RFC3: variants seen among roughly 807,000 people sequenced by gnomAD.
RFC3 encodes the protein replication factor C subunit 3.
Under a neutral mutation model 45.1 loss-of-function variants are expected in RFC3, and 41 were observed. That is an observed-to-expected ratio of 0.91 (90% CI 0.71 to 1.18). The LOEUF (loss-of-function observed/expected upper bound fraction) is 1.18, where lower values mean the gene tolerates loss of function less well. RFC3 is among the 50% of genes most tolerant of loss of function. The pLI, the probability that RFC3 is intolerant of heterozygous loss-of-function variation, is 0.00. For synonymous variants in RFC3, 149 were observed against 144.0 expected (o/e 1.03, Z -0.25); for missense variants, 423 against 428.1 (o/e 0.99, Z 0.10).
chr13:33,834,329 T>TATATATATATACACATAC lies in RFC3; in HGVS notation c.810-817_810-816insATATATATACACATACAT, dbSNP rs1300798923. On this transcript the variant is annotated intron_variant, in intron 7 of 8. Coordinates refer to ENST00000380071, the MANE Select transcript of RFC3 (RefSeq NM_002915.4). ...ATATATATATATATATATATATATA[T>TATATATATATACACATAC]ATCTGTACTGTAAAAATTCAGAAGT... Among the ~76,000 whole-genome samples the TATATATATATACACATAC allele has an allele frequency of 1.2e-3, 147 of 125,038 alleles. 3 individuals carry two copies. Among genetic ancestry groups the TATATATATATACACATAC allele is most frequent in the East Asian group, 4.7e-3 (20 of 4,214 alleles). 82.0% of individuals were successfully genotyped at this position (125,038 alleles called of 152,430 possible). A position where few individuals can be genotyped will look rare whatever the true frequency, so the allele number is the denominator to read the frequency against.
At chr13:33,868,879 A>C (rs563467298) in intron 8 of RFC3, among the ~76,000 whole-genome samples, 39 of 152,224 alleles carry the variant, frequency 2.6e-4, no homozygotes, top group African/African-American at 9.1e-4. Flanking sequence ...AAGGCCAGAC[A>C]CTCCTTTCCC....
chr13:33,820,723 T>A (rs2081994155), intron 1 of RFC3, among the ~76,000 whole-genome samples: 1 of 152,154 alleles, frequency 6.6e-6, no homozygotes, highest in South Asian at 2.1e-4. Flanking sequence ...AGAATCCTAA[T>A]CTCATGGATG....
At chr13:33,900,578 T>C (rs2082634115) in intron 8 of RFC3, among the ~76,000 whole-genome samples, 1 of 151,772 alleles carries the variant, frequency 6.6e-6, no homozygotes, top group East Asian at 1.9e-4. Context: ...ATTATGAAAT[T>C]AGTAGAAGAA....
chr13:33,901,139 G>A (rs750872191), intron 8 of RFC3, among the ~76,000 whole-genome samples: 11 of 151,922 alleles, frequency 7.2e-5, no homozygotes, highest in South Asian at 2.1e-4. Context: ...ATGGAAATTC[G>A]TCACAAAAAT....
chr13:33,820,370 C>A (rs536650690), intron 1 of RFC3, among the ~76,000 whole-genome samples: 1 of 152,250 alleles, frequency 6.6e-6, no homozygotes, highest in East Asian at 1.9e-4. Flanking sequence ...AATGCTCTTT[C>A]TTTTCCCCCA....
At chr13:33,863,175 A>G (rs2082352205) in intron 8 of RFC3, among the ~76,000 whole-genome samples, 1 of 152,224 alleles carries the variant, frequency 6.6e-6, no homozygotes, top group Admixed American at 6.5e-5. Context: ...TTTTCATCAC[A>G]ATAGTTATAA....
chr13:33,939,409 G>A lies in RFC3; in HGVS notation c.880-26678G>A, dbSNP rs114613957. On this transcript the variant is annotated intron_variant, in intron 8 of 8. Transcript: ENST00000434425. ...GACAGTGAGGCTCAGAGAGCTTCCA[G>A]GTGGGTGAACACACCAAGGTGCTCG... Among the ~76,000 whole-genome samples, 664 of 152,236 alleles carry A rather than the reference G, an allele frequency of 4.4e-3. 8 individuals carry two copies. Among genetic ancestry groups the A allele is most frequent in the African/African-American group, 0.015 (630 of 41,544 alleles).
downstream of RFC3, among the ~76,000 whole-genome samples, chr13:33,969,022 T>G (rs373535823): frequency 6.6e-6 from 1 of 152,330 alleles, no homozygotes; most frequent in African/African-American, 2.4e-5. Context: ...ATTACTGCCA[T>G]GTCCTCACAT....
At chr13:33,892,242 A>C (rs1021644975) in intron 8 of RFC3, among the ~76,000 whole-genome samples, 1 of 152,296 alleles carries the variant, frequency 6.6e-6, no homozygotes, top group South Asian at 2.1e-4. Context: ...AAGCTTAACT[A>C]AGACAAAAAT....
At position 33,897,896 on chromosome 13, in the gene RFC3, C is replaced by T. The variant is rs148909475; in HGVS notation, c.879+62679C>T. Among the ~76,000 whole-genome samples, 880 of 151,878 alleles carry T rather than the reference C, an allele frequency of 5.8e-3. 6 individuals carry two copies. Among genetic ancestry groups the T allele is most frequent in the Middle Eastern group, 0.014 (4 of 294 alleles). On this transcript the variant is annotated intron_variant, in intron 8 of 8. Transcript: ENST00000434425. Reference sequence around the variant, plus strand: ...TTATAAATATCTATGTACCCATCACCAGAGCTCCCAAGTATATATAAAAAC... The same window carrying T: ...TTATAAATATCTATGTACCCATCACTAGAGCTCCCAAGTATATATAAAAAC...
chr13:33,868,407 C>A (rs1372689367), intron 8 of RFC3, among the ~76,000 whole-genome samples: 3 of 139,890 alleles, frequency 2.1e-5, no homozygotes, highest in Non-Finnish European at 4.8e-5. Context: ...TTCTCCACAC[C>A]CAACTTACAA....
At chr13:33,888,110 A>G (rs1566017211) in intron 8 of RFC3, among the ~76,000 whole-genome samples, 1 of 152,136 alleles carries the variant, frequency 6.6e-6, no homozygotes, top group Non-Finnish European at 1.5e-5. Flanking sequence ...TTGGTGATGC[A>G]GGCTCTTTTT....
At chr13:33,871,480 C>T (rs2082409247) in intron 8 of RFC3, among the ~76,000 whole-genome samples, 1 of 152,206 alleles carries the variant, frequency 6.6e-6, no homozygotes, top group Non-Finnish European at 1.5e-5. Context: ...CTCCTGCTGC[C>T]CTCTTCCAAC....
intron 8 of RFC3, among the ~76,000 whole-genome samples, chr13:33,916,766 A>G (rs2082736213): frequency 6.7e-6 from 1 of 148,618 alleles, no homozygotes; most frequent in African/African-American, 2.6e-5. Flanking sequence ...ATGAGTGTGC[A>G]TGTACATACA....
At chr13:33,849,135 G>C (rs1202411066) in intron 8 of RFC3, 1 of 152,370 alleles carries the variant, frequency 6.6e-6, no homozygotes, top group Non-Finnish European at 1.5e-5. Flanking sequence ...TGTGGAGGTG[G>C]AGAATTTTGG....
intron 8 of RFC3, chr13:33,847,894 T>C (rs1329439774): frequency 2.0e-5 from 3 of 152,212 alleles, no homozygotes; most frequent in Non-Finnish European, 4.4e-5. Context: ...AATATTCTCT[T>C]GTATTTTTTC....
intron 8 of RFC3, among the ~76,000 whole-genome samples, chr13:33,864,525 G>T (rs1403566156): frequency 6.6e-6 from 1 of 152,144 alleles, no homozygotes; most frequent in Non-Finnish European, 1.5e-5. Context: ...TGATGCTGAA[G>T]TGAGCTCATG....
At chr13:33,835,280 C>T in intron 8 of RFC3, 63 bp downstream of exon 8, 1 of 998,534 alleles carries the variant, frequency 1.0e-6, no homozygotes, top group Non-Finnish European at 1.6e-6. Flanking sequence ...GGTGTGTGAT[C>T]ATAGGGCTTT....
At chr13:33,831,923 T>TA (rs1236217044) in intron 7 of RFC3, among the ~76,000 whole-genome samples, 3 of 152,204 alleles carry the variant, frequency 2.0e-5, no homozygotes, top group African/African-American at 4.8e-5. Context: ...GTTTGAAAAC[T>TA]AAAAAACCCT....
Sources: allele counts gnomAD v4.1 joint callset (sites outside exome capture counted in the v4.1 genomes callset), GRCh38; gene constraint gnomAD v4.1.1; transcripts MANE v1.5; gene names NCBI Gene and HGNC (gene_info 2026-07-23, HGNC 2026-07-21).